The following L3MBTL4 variants were observed in gnomAD, a reference collection of about 807,000 sequenced individuals.
L3MBTL4 encodes the protein L3MBTL histone methyl-lysine binding protein 4.
Under a neutral mutation model 84.5 loss-of-function variants are expected in L3MBTL4, and 70 were observed. That is an observed-to-expected ratio of 0.83 (90% confidence interval 0.68 to 1.01). L3MBTL4 has a LOEUF of 1.01. Among genes scored for constraint, L3MBTL4 ranks in the 50% least tolerant of loss-of-function variants. L3MBTL4 has a pLI of 0.00. For missense variants in L3MBTL4, 715 were observed against 754.8 expected (o/e 0.95, Z 0.62); for synonymous variants, 274 against 259.8 (o/e 1.05, Z -0.52).
intron 13 of L3MBTL4, among the ~76,000 whole-genome samples, chr18:6,144,179 G>A (rs966469220): frequency 8.2e-6 from 1 of 121,390 alleles, no homozygotes; most frequent in African/African-American, 3.2e-5. Context: ...CTGGGCGACA[G>A]AGTGAGACTC....
chr18:6,329,055 C>A (rs1405095656), intron 1 of L3MBTL4, among the ~76,000 whole-genome samples: 1 of 152,092 alleles, frequency 6.6e-6, no homozygotes, highest in Non-Finnish European at 1.5e-5. Context: ...GAATGTGTAC[C>A]CTTGGTCACT....
At chr18:6,093,690 T>C (rs1382487945) in intron 14 of L3MBTL4, among the ~76,000 whole-genome samples, 162 bp from the exon 15 acceptor site, 1 of 152,210 alleles carries the variant, frequency 6.6e-6, no homozygotes, top group East Asian at 1.9e-4. Context: ...TATTGCCTTT[T>C]GAGAAAATCT....
At chr18:6,215,512 T>G (rs2046287554) in intron 11 of L3MBTL4, among the ~76,000 whole-genome samples, 1 of 152,180 alleles carries the variant, frequency 6.6e-6, no homozygotes, top group Non-Finnish European at 1.5e-5. Context: ...TGTTTTCAAT[T>G]GTACCTCTGA....
At chr18:6,085,010 G>A (rs771438532) in intron 15 of L3MBTL4, among the ~76,000 whole-genome samples, 1 of 152,180 alleles carries the variant, frequency 6.6e-6, no homozygotes, top group Non-Finnish European at 1.5e-5. Context: ...ATGTGTGTAG[G>A]TTTGGATATG....
chr18:6,092,694 T>C (rs1311596251), intron 15 of L3MBTL4, among the ~76,000 whole-genome samples: 1 of 152,210 alleles, frequency 6.6e-6, no homozygotes, highest in Non-Finnish European at 1.5e-5. Flanking sequence ...GCATGGAGAA[T>C]AGAGCTTTTT....
At chr18:6,186,991 C>T (rs1251795173) in intron 12 of L3MBTL4, among the ~76,000 whole-genome samples, 1 of 152,014 alleles carries the variant, frequency 6.6e-6, no homozygotes, top group East Asian at 1.9e-4. Context: ...GATGCTAAGG[C>T]CTCAAACATG....
At chr18:6,260,129 A>T (rs968442579) in intron 5 of L3MBTL4, 18 of 152,056 alleles carry the variant, frequency 1.2e-4, no homozygotes, top group African/African-American at 4.3e-4. Flanking sequence ...TGGGCTCTTT[A>T]TTCTGTTCCA....
At position 6,237,960 on chromosome 18, in the gene L3MBTL4, T is replaced by C; in HGVS notation, c.784+4A>G. ...TTCAAAGAAAACCCAGGCAGTCCAC[T>C]CACCTTGGGGTGCTATCAGAGTTCT... On this transcript the variant is annotated splice_donor_region_variant and intron_variant, in intron 10 of 18. Coordinates refer to ENST00000317931, the MANE Select transcript of L3MBTL4 (RefSeq NM_001330559.2). 1.2e-6 allele frequency: 2 copies of C among 1,613,460 alleles called. No homozygotes were observed. The highest frequency in any genetic ancestry group is 1.7e-6 in the Non-Finnish European group (2 of 1,179,374).
intron 5 of L3MBTL4, 117 bp from the exon 6 acceptor site, chr18:6,244,705 G>A: frequency 1.4e-6 from 1 of 700,838 alleles, no homozygotes; most frequent in East Asian, 2.6e-5. Context: ...GAAACAGAGA[G>A]TAGAATGGTG....
At chr18:6,376,300 G>A (rs560227584) in intron 1 of L3MBTL4, among the ~76,000 whole-genome samples, 2 of 152,322 alleles carry the variant, frequency 1.3e-5, no homozygotes, top group East Asian at 1.9e-4. Flanking sequence ...CCTGTCAGTC[G>A]TGAAAATTAT....
At chr18:6,046,644 T>A (rs1017006649) in intron 16 of L3MBTL4, 2 of 683,360 alleles carry the variant, frequency 2.9e-6, no homozygotes, top group Middle Eastern at 4.9e-4. Flanking sequence ...AACTTGCACC[T>A]GAATGACTTT....
intron 14 of L3MBTL4, among the ~76,000 whole-genome samples, chr18:6,111,846 A>T (rs1314219027): frequency 6.6e-6 from 1 of 152,152 alleles, no homozygotes; most frequent in African/African-American, 2.4e-5. Context: ...TTTTATGGTG[A>T]TAACAATTAA....
chr18:6,327,860 A>G (rs536117686), intron 1 of L3MBTL4, among the ~76,000 whole-genome samples: 4 of 152,228 alleles, frequency 2.6e-5, no homozygotes, highest in Non-Finnish European at 5.9e-5. Flanking sequence ...ATACGTTCTC[A>G]TATTTATTTC....
At chr18:5,983,577 C>T (rs2053333801) in intron 16 of L3MBTL4, among the ~76,000 whole-genome samples, 1 of 152,116 alleles carries the variant, frequency 6.6e-6, no homozygotes, top group Non-Finnish European at 1.5e-5. Context: ...CTCGAGTAGG[C>T]TGTCACCACA....
rs2059985252 is a variant in L3MBTL4 at position 6,134,865 on chromosome 18, C to G, written c.1199+3329G>C. 3.9e-5 allele frequency among the ~76,000 whole-genome samples: 6 copies of G among 152,180 alleles called. 1 individual carries two copies. In the South Asian group the frequency reaches 1.2e-3, roughly 31 times the overall value. Reference sequence around the variant, plus strand: ...TTCTGGGGTCTGGAGGACAGAGGCCCTCTTCTCACAGCTCCACTAGGCAGT... The same window carrying G: ...TTCTGGGGTCTGGAGGACAGAGGCCGTCTTCTCACAGCTCCACTAGGCAGT... On this transcript the variant is annotated intron_variant, in intron 14 of 18. Transcript: ENST00000317931.
intron 16 of L3MBTL4, among the ~76,000 whole-genome samples, chr18:6,035,364 T>A (rs2056077295): frequency 6.6e-6 from 1 of 152,218 alleles, no homozygotes; most frequent in African/African-American, 2.4e-5. Flanking sequence ...GCTTTGTACA[T>A]ATGGCTAGCC....
rs73385914 is a variant in L3MBTL4 at position 6,220,626 on chromosome 18, C to A, written c.785-4791G>T. On this transcript the variant is annotated intron_variant, in intron 10 of 18. Coordinates refer to ENST00000317931, the MANE Select transcript of L3MBTL4 (RefSeq NM_001330559.2). Reference sequence around the variant, plus strand: ...AGTGTGTGTTGTGAATATTTCATTTCTCTTGCTCCATTAGAACATAGGCTG... The same window carrying A: ...AGTGTGTGTTGTGAATATTTCATTTATCTTGCTCCATTAGAACATAGGCTG... Among the ~76,000 whole-genome samples the A allele has an allele frequency of 5.0e-3, 765 of 152,284 alleles. 10 individuals are homozygous for A. The highest frequency in any genetic ancestry group is 0.018 in the African/African-American group (737 of 41,558).
chr18:6,072,699 A>C (rs59031338), intron 16 of L3MBTL4, among the ~76,000 whole-genome samples: 4,930 of 63,452 alleles, frequency 0.078, 121 homozygotes, highest in African/African-American at 0.17. Context: ...CACACACACA[A>C]AAAAAAATTA....
intron 13 of L3MBTL4, among the ~76,000 whole-genome samples, chr18:6,138,831 T>C (rs8092893): frequency 0.017 from 2,580 of 152,250 alleles, 80 homozygotes; most frequent in African/African-American, 0.058. Flanking sequence ...GGATTACAGG[T>C]GTGAGAAATT....
Sources: allele counts gnomAD v4.1 joint callset (sites outside exome capture counted in the v4.1 genomes callset), GRCh38; gene constraint gnomAD v4.1.1; transcripts MANE v1.5; gene names NCBI Gene and HGNC (gene_info 2026-07-23, HGNC 2026-07-21).